PCDHGA1: variants seen among roughly 807,000 people sequenced by gnomAD.
PCDHGA1 encodes protocadherin gamma subfamily A, 1, also known as protocadherin gamma-A1.
A neutral mutation model predicts 58.0 loss-of-function variants in PCDHGA1; 32 were observed. The ratio of observed to expected loss-of-function variants is 0.55; its 90% confidence interval spans 0.42 to 0.74. The LOEUF (loss-of-function observed/expected upper bound fraction) is 0.74. Among genes scored for constraint, PCDHGA1 ranks in the 30% least tolerant of loss-of-function variants. The pLI, the probability that PCDHGA1 is intolerant of heterozygous loss-of-function variation, is 0.00. For missense variants in PCDHGA1, 1,205 were observed against 1,182.3 expected, an observed-to-expected ratio of 1.02 and a Z score of -0.28; for synonymous variants, 498 against 501.1, an observed-to-expected ratio of 0.99 and a Z score of 0.08.
chr5:141,423,680 C>T (rs2096766182), intron 1 of PCDHGA1: 1 of 1,479,088 alleles, frequency 6.8e-7, no homozygotes, highest in African/African-American at 1.5e-5. Context: ...ATTTCTCTGC[C>T]TCCTAATTGT....
chr5:141,418,429 A>T (rs765952024), intron 1 of PCDHGA1: 2 of 1,613,854 alleles, frequency 1.2e-6, no homozygotes, highest in African/African-American at 2.7e-5. Context: ...ATGGTGGCAA[A>T]TATCCAGAAT....
intron 1 of PCDHGA1, chr5:141,350,494 C>G (rs764659811): frequency 6.2e-7 from 1 of 1,613,806 alleles, no homozygotes; most frequent in African/African-American, 1.3e-5. Flanking sequence ...GTTTGGAGAG[C>G]GGGGATTTGT....
Position 141,409,737 on chromosome 5 carries a change from G to C in PCDHGA1, c.2421+76632G>C, listed in dbSNP as rs199531162. The C allele has an allele frequency of 1.4e-3, 2,254 of 1,613,108 alleles. 2 individuals carry two copies. Among genetic ancestry groups the C allele is most frequent in the Non-Finnish European group, 1.8e-3 (2,079 of 1,179,866 alleles). On this transcript the variant is annotated intron_variant, in intron 1 of 3. Coordinates refer to ENST00000517417, the MANE Select transcript of PCDHGA1 (RefSeq NM_018912.3). ...TACGTGTCAGTGAGCGCGCAGAGCGGGGTGGTGTTCGCGCAGCGCGCCTTT... is the reference window on the plus strand; with the variant it reads ...TACGTGTCAGTGAGCGCGCAGAGCGCGGTGGTGTTCGCGCAGCGCGCCTTT...
At chr5:141,360,266 A>G (rs1187261942) in intron 1 of PCDHGA1, 10 of 1,613,538 alleles carry the variant, frequency 6.2e-6, no homozygotes, top group Non-Finnish European at 8.5e-6. Context: ...CTGGCCAAAA[A>G]CTCGGTCGTA....
chr5:141,438,638 A>G (rs1192725978), intron 1 of PCDHGA1, among the ~76,000 whole-genome samples: 1 of 22,806 alleles, frequency 4.4e-5, no homozygotes, highest in East Asian at 1.6e-3. Flanking sequence ...ATATATATAC[A>G]CACACACACA....
intron 1 of PCDHGA1, chr5:141,367,592 A>T (rs1303624910): frequency 1.3e-5 from 2 of 152,018 alleles, no homozygotes; most frequent in African/African-American, 2.4e-5. Flanking sequence ...AGTAGATAAA[A>T]TTTATATTAA....
intron 1 of PCDHGA1, chr5:141,418,464 G>A: frequency 3.7e-6 from 6 of 1,614,010 alleles, no homozygotes; most frequent in Non-Finnish European, 5.1e-6. Flanking sequence ...ACTCTGGACC[G>A]AGAAACGCAG....
intron 1 of PCDHGA1, among the ~76,000 whole-genome samples, chr5:141,379,998 C>A (rs560610207): frequency 7.1e-6 from 1 of 140,462 alleles, no homozygotes; most frequent in South Asian, 2.4e-4. Flanking sequence ...CTCCTGGGTT[C>A]AAGCGATTCT....
chr5:141,382,882 A>G, intron 1 of PCDHGA1: 1 of 1,528,134 alleles, frequency 6.5e-7, no homozygotes, highest in Non-Finnish European at 8.8e-7. Context: ...GCGCCTAAGC[A>G]AGAGAAGCAG....
At chr5:141,481,077 G>A (rs1251064585) in intron 1 of PCDHGA1, among the ~76,000 whole-genome samples, 5 of 151,906 alleles carry the variant, frequency 3.3e-5, no homozygotes, top group Non-Finnish European at 7.4e-5. Context: ...AAGAAAGAAA[G>A]AAAAAAGAAA....
chr5:141,446,759 G>A (rs983129633), intron 1 of PCDHGA1, among the ~76,000 whole-genome samples: 5 of 152,026 alleles, frequency 3.3e-5, no homozygotes, highest in Admixed American at 1.3e-4. Flanking sequence ...GAGCCACCGC[G>A]CCCAGCCGGT....
rs192677983 is a variant in PCDHGA1 at position 141,457,339 on chromosome 5, A to G, written c.2422-37468A>G. On this transcript the variant is annotated intron_variant, in intron 1 of 3. Transcript: ENST00000517417. The stretch of plus-strand genomic sequence containing the variant: ...CCTCCGGGTTACAGGTACCTTACTT[A>G]CTTTCATTACCTGGCACAATTTGCA... Among the ~76,000 whole-genome samples the G allele has an allele frequency of 3.1e-4, 47 of 152,268 alleles. No individual in the cohort carries two copies. The South Asian group carries it at 3.3e-3, about 11-fold the overall frequency.
intron 1 of PCDHGA1, chr5:141,364,103 C>G: frequency 2.4e-6 from 1 of 411,126 alleles, no homozygotes; most frequent in East Asian, 3.6e-5. Flanking sequence ...GATGCAGTCA[C>G]TGGTTAGGAC....
chr5:141,330,566 C>A lies in PCDHGA1; in HGVS notation c.-119C>A. ...CTGACTGTCCAAGACTGCCTAAATC[C>A]TACTTCTGGATGACTCTCCAGTCAG... On this transcript the variant is annotated 5_prime_UTR_variant, in exon 1 of 4. Coordinates refer to ENST00000517417, the MANE Select transcript of PCDHGA1 (RefSeq NM_018912.3). 9.0e-7 allele frequency: 1 copy of A among 1,108,570 alleles called. No homozygotes were observed. The highest frequency in any genetic ancestry group is 1.6e-5 in the South Asian group (1 of 62,662). The allele number at this position is 1,108,570 out of a possible 1,614,324, so 68.7% of individuals were successfully genotyped here. A position where few individuals can be genotyped will look rare whatever the true frequency, so the allele number is the denominator to read the frequency against.
At chr5:141,411,982 A>T (rs2154543855) in intron 1 of PCDHGA1, 1 of 152,346 alleles carries the variant, frequency 6.6e-6, no homozygotes, top group East Asian at 1.9e-4. Context: ...AGAGTTCTAT[A>T]CTTGGAAGGC....
chr5:141,341,010 C>T (rs1757011165), intron 1 of PCDHGA1: 1 of 1,613,976 alleles, frequency 6.2e-7, no homozygotes. Context: ...AGCCTCGAGC[C>T]CTCCGCCATA....
At position 141,389,005 on chromosome 5, in the gene PCDHGA1, C is replaced by T. The variant is rs757594459; in HGVS notation, c.2421+55900C>T. 81 of 1,613,780 alleles carry T rather than the reference C, an allele frequency of 5.0e-5. No individual in the cohort carries two copies. Among genetic ancestry groups the T allele is most frequent in the Non-Finnish European group, 6.7e-5 (79 of 1,179,858 alleles). On this transcript the variant is annotated intron_variant, in intron 1 of 3. Transcript: ENST00000517417. The stretch of plus-strand genomic sequence containing the variant: ...TTGCTCAAAGTCCGTGACAAGGATT[C>T]CAGACACAATGGAGAAGTGACTTGT...
chr5:141,464,200 G>C (rs1331779739), intron 1 of PCDHGA1, among the ~76,000 whole-genome samples: 1 of 149,856 alleles, frequency 6.7e-6, no homozygotes, highest in Non-Finnish European at 1.5e-5. Flanking sequence ...AGGAGGCGGA[G>C]ATTGCAGTGA....
At chr5:141,390,475 A>G (rs1355918266) in intron 1 of PCDHGA1, 1 of 686,634 alleles carries the variant, frequency 1.5e-6, no homozygotes, top group Admixed American at 3.0e-5. Context: ...TGTGTGGCCC[A>G]ACATTTGTTT....
Sources: gnomAD v4.1 joint callset for allele counts (sites outside exome capture counted in the v4.1 genomes callset) on GRCh38, gnomAD v4.1.1 for gene constraint, MANE v1.5 for transcripts, NCBI Gene and HGNC (gene_info 2026-07-23, HGNC 2026-07-21) for gene names.